The following COMMD1 variants were observed in gnomAD, a reference collection of about 807,000 sequenced individuals.
COMMD1 encodes COMM domain-containing protein 1.
Under a neutral mutation model 17.2 loss-of-function variants are expected in COMMD1, and 10 were observed. The ratio of observed to expected loss-of-function variants is 0.58; its 90% CI spans 0.36 to 0.99. The LOEUF (loss-of-function observed/expected upper bound fraction) is 0.99. COMMD1 is among the 50% of genes least tolerant of loss of function. COMMD1 has a pLI of 0.01. For missense variants in COMMD1, 270 were observed against 231.8 expected (o/e 1.17, Z -1.07); for synonymous variants, 97 against 91.6 (o/e 1.06, Z -0.34).
intron 2 of COMMD1, among the ~76,000 whole-genome samples, chr2:62,045,941 T>C (rs891098107): frequency 6.6e-6 from 1 of 151,984 alleles, no homozygotes; most frequent in African/African-American, 2.4e-5. Context: ...TTCACCATGT[T>C]GGCCAGGCTG....
chr2:61,903,445 A>G (rs1256465882), upstream of COMMD1, among the ~76,000 whole-genome samples: 1 of 147,320 alleles, frequency 6.8e-6, no homozygotes, highest in Admixed American at 6.8e-5. Flanking sequence ...CTTTGTCTCA[A>G]AAAAAAAAAA....
intron 1 of COMMD1, among the ~76,000 whole-genome samples, chr2:61,918,251 T>C (rs1670098485): frequency 1.3e-5 from 2 of 152,376 alleles, no homozygotes; most frequent in African/African-American, 2.4e-5. Context: ...TAAAGTTCTA[T>C]AAATATATTC....
intron 2 of COMMD1, among the ~76,000 whole-genome samples, chr2:62,021,236 T>C (rs948235923): frequency 1.3e-5 from 2 of 152,196 alleles, no homozygotes. Flanking sequence ...ATTTTTTGCG[T>C]GTGAGAGACT....
At chr2:62,072,108 A>C (rs530926475) in intron 2 of COMMD1, among the ~76,000 whole-genome samples, 2 of 152,112 alleles carry the variant, frequency 1.3e-5, no homozygotes, top group South Asian at 4.2e-4. Context: ...TTACTACACT[A>C]TATATATTTA....
intron 2 of COMMD1, among the ~76,000 whole-genome samples, chr2:62,030,664 A>T (rs1669887918): frequency 6.6e-6 from 1 of 152,310 alleles, no homozygotes; most frequent in African/African-American, 2.4e-5. Flanking sequence ...TTTTCTAAAC[A>T]TCACTTTTTA....
At chr2:62,049,428 G>A (rs1157561058) in intron 2 of COMMD1, among the ~76,000 whole-genome samples, 2 of 152,054 alleles carry the variant, frequency 1.3e-5, no homozygotes, top group Non-Finnish European at 1.5e-5. Flanking sequence ...GTCCCCCAGG[G>A]GACATTTGGC....
chr2:61,952,930 T>G (rs1671096370), intron 1 of COMMD1, among the ~76,000 whole-genome samples: 1 of 152,264 alleles, frequency 6.6e-6, no homozygotes, highest in African/African-American at 2.4e-5. Flanking sequence ...TGGTGATAAC[T>G]GCACCATTTT....
chr2:62,019,676 ACAC>A (rs992255547), intron 2 of COMMD1, among the ~76,000 whole-genome samples: 6 of 152,140 alleles, frequency 3.9e-5, no homozygotes, highest in Admixed American at 3.9e-4. Flanking sequence ...CTTTCTTGTC[ACAC>A]CATGTTAGGC....
intron 1 of COMMD1, among the ~76,000 whole-genome samples, chr2:61,977,226 A>G (rs1336976424): frequency 2.0e-5 from 3 of 150,640 alleles, no homozygotes; most frequent in Non-Finnish European, 2.9e-5. Context: ...AAACTGCTGT[A>G]AAAAATAAAG....
chr2:62,062,828 C>T (rs71422338), intron 2 of COMMD1, among the ~76,000 whole-genome samples: 13,101 of 151,936 alleles, frequency 0.086, 727 homozygotes, highest in Non-Finnish European at 0.12. Context: ...TTACCACTTT[C>T]GGAGGCCAAG....
At chr2:61,958,342 C>T (rs774494472) in intron 1 of COMMD1, among the ~76,000 whole-genome samples, 1 of 151,690 alleles carries the variant, frequency 6.6e-6, no homozygotes, top group Non-Finnish European at 1.5e-5. Context: ...TCTCAGCTCA[C>T]CACAACCTCT....
chr2:62,032,346 G>A (rs559390268), intron 2 of COMMD1, among the ~76,000 whole-genome samples: 1 of 152,208 alleles, frequency 6.6e-6, no homozygotes, highest in African/African-American at 2.4e-5. Flanking sequence ...GATCTCCCTG[G>A]GCAATGAAGC....
At chr2:62,107,553 C>G (rs1158189933) in intron 2 of COMMD1, among the ~76,000 whole-genome samples, 1 of 152,198 alleles carries the variant, frequency 6.6e-6, no homozygotes, top group Non-Finnish European at 1.5e-5. Flanking sequence ...AGAGCTCTGC[C>G]TGATGATGAA....
chr2:62,042,572 C>T (rs570352231), intron 2 of COMMD1, among the ~76,000 whole-genome samples: 40 of 152,160 alleles, frequency 2.6e-4, no homozygotes, highest in African/African-American at 5.5e-4. Context: ...CCGCGAGCGC[C>T]GAGCGCAGCC....
chr2:62,083,097 A>G (rs904104599), intron 2 of COMMD1, among the ~76,000 whole-genome samples: 2 of 152,140 alleles, frequency 1.3e-5, no homozygotes, highest in African/African-American at 2.4e-5. Context: ...CATCTCTACA[A>G]AAAATTTAAA....
At chr2:61,948,946 T>A (rs561777971) in intron 1 of COMMD1, among the ~76,000 whole-genome samples, 1 of 152,234 alleles carries the variant, frequency 6.6e-6, no homozygotes, top group South Asian at 2.1e-4. Context: ...AGGAGCCAGC[T>A]TGGGAGATAT....
intron 1 of COMMD1, among the ~76,000 whole-genome samples, chr2:61,963,151 C>A (rs957019903): frequency 1.2e-4 from 17 of 144,972 alleles, no homozygotes; most frequent in Admixed American, 6.9e-4. Context: ...CAGAGTGAGA[C>A]CCTGTCTCAA....
At chr2:61,898,336 C>T (rs949413537) in intron 1 of COMMD1, among the ~76,000 whole-genome samples, 3 of 152,076 alleles carry the variant, frequency 2.0e-5, no homozygotes, top group Admixed American at 6.6e-5. Context: ...ATCAGCTAGA[C>T]GGGCTGGCAC....
intron 2 of COMMD1, among the ~76,000 whole-genome samples, chr2:62,038,637 T>C (rs1034910428): frequency 8.5e-5 from 13 of 152,244 alleles, no homozygotes; most frequent in Middle Eastern, 3.4e-3. Context: ...AACCTCAGCC[T>C]CCTGGATTCA....
Sources: gnomAD v4.1 joint callset for allele counts (sites outside exome capture counted in the v4.1 genomes callset) on GRCh38, gnomAD v4.1.1 for gene constraint, MANE v1.5 for transcripts, NCBI Gene and HGNC (gene_info 2026-07-23, HGNC 2026-07-21) for gene names.